RABL2B: variants seen among roughly 807,000 people sequenced by gnomAD.
RABL2B encodes the protein rab-like protein 2B.
In RABL2B, 17 loss-of-function variants were observed where a neutral mutation model predicts 26.7. The ratio of observed to expected loss-of-function variants is 0.64; its 90% CI spans 0.44 to 0.95. The LOEUF (loss-of-function observed/expected upper bound fraction) is 0.95. Ranked by LOEUF, RABL2B falls within the 40% of genes least tolerant of loss-of-function variation. The probability of loss-of-function intolerance (pLI) is 0.00; values close to 1 mark genes in which losing one functional copy is unlikely to be tolerated. For missense variants in RABL2B, 170 were observed against 277.2 expected (o/e 0.61, Z 2.75); for synonymous variants, 70 against 103.9 (o/e 0.67, Z 1.99).
intron 3 of RABL2B, 45 bp downstream of exon 3, chr22:50,777,907 G>A: frequency 6.2e-7 from 1 of 1,613,980 alleles, no homozygotes; most frequent in African/African-American, 1.3e-5. Context: ...CATGAGCGTG[G>A]GAAGACCCAC....
At position 50,769,953 on chromosome 22, in the gene RABL2B, C is replaced by G. The variant is rs1210839926; in HGVS notation, c.361G>C (p.Glu121Gln). Residue 121 changes from glutamate to glutamine, a missense_variant, in exon 6 of 9, where the codon GAG (glutamate) becomes CAG (glutamine). Physicochemically the swap from Glu to Gln is conservative, Grantham distance 29 (BLOSUM62 2). Coordinates refer to ENST00000691320, the MANE Select transcript of RABL2B (RefSeq NM_001130919.3). ...NLSTWYTELR[E>Q]FRPEIPCIVV... ...ATGCATGGGATCTCTGGCCTGAACTCCCGAAGCTCTGTATACCAGGTGCTC... is the reference window on the plus strand; with the variant it reads ...ATGCATGGGATCTCTGGCCTGAACTGCCGAAGCTCTGTATACCAGGTGCTC... 2.5e-6 allele frequency: 4 copies of G among 1,613,618 alleles called. No individual in the cohort carries two copies. The highest frequency in any genetic ancestry group is 1.6e-4 in the Middle Eastern group (1 of 6,078).
chr22:50,776,506 C>A (rs1272483662), intron 4 of RABL2B, among the ~76,000 whole-genome samples, 164 bp downstream of exon 4: 2 of 152,232 alleles, frequency 1.3e-5, no homozygotes, highest in Non-Finnish European at 2.9e-5. Context: ...CCCTTCCACC[C>A]TCCTGGCTCC....
intron 2 of RABL2B, among the ~76,000 whole-genome samples, chr22:50,778,303 T>C (rs5771014): frequency 0.27 from 39,730 of 149,840 alleles, 5,838 homozygotes; most frequent in East Asian, 0.45. Flanking sequence ...AGGCCAAAGC[T>C]GCGCCTTCCG....
intron 6 of RABL2B, 42 bp from the exon 7 acceptor site, chr22:50,769,594 A>G (rs1555916732): frequency 6.2e-7 from 1 of 1,613,100 alleles, no homozygotes; most frequent in South Asian, 1.1e-5. Context: ...TGTCAAGGGA[A>G]GGGAAGAAGG....
At chr22:50,771,978 TTTG>T (rs1447307393) in intron 5 of RABL2B, 68 of 152,300 alleles carry the variant, frequency 4.5e-4, no homozygotes, top group African/African-American at 1.6e-3. Context: ...TACTTTATAA[TTTG>T]TTTTTACCTA....
At chr22:50,775,875 C>T in intron 4 of RABL2B, 24 bp from the exon 5 acceptor site, 1 of 1,614,212 alleles carries the variant, frequency 6.2e-7, no homozygotes, top group Non-Finnish European at 8.5e-7. Flanking sequence ...ACAGACAGAC[C>T]TACATGCCTG....
At chr22:50,769,399 T>C in intron 7 of RABL2B, 56 bp downstream of exon 7, 1 of 1,611,446 alleles carries the variant, frequency 6.2e-7, no homozygotes, top group Non-Finnish European at 8.5e-7. Context: ...TCTTCACAGC[T>C]TCCCTTTACC....
At chr22:50,775,990 G>A in intron 4 of RABL2B, 139 bp from the exon 5 acceptor site, 2 of 912,234 alleles carry the variant, frequency 2.2e-6, no homozygotes, top group Non-Finnish European at 1.8e-6. Context: ...AGACTATACA[G>A]CCCCACACGT....
Position 50,768,628 on chromosome 22 carries a change from G to A in RABL2B, c.*148C>T, listed in dbSNP as rs1323740790. 3.0e-5 allele frequency: 44 copies of A among 1,472,712 alleles called. No homozygotes were observed. The highest frequency in any genetic ancestry group is 2.0e-4 in the East Asian group (8 of 40,074). 91.2% of individuals were successfully genotyped at this position (1,472,712 alleles called of 1,614,324 possible). On this transcript the variant is annotated 3_prime_UTR_variant, in exon 9 of 9. Coordinates refer to ENST00000691320, the MANE Select transcript of RABL2B (RefSeq NM_001130919.3). Reference sequence around the variant, plus strand: ...GGTGCTGACCTCATCCCTGTATCACGGGCCTAGAATGTGGGAGGCTAATAG... The same window carrying A: ...GGTGCTGACCTCATCCCTGTATCACAGGCCTAGAATGTGGGAGGCTAATAG...
At chr22:50,779,694 G>C (rs1182922560) in intron 2 of RABL2B, among the ~76,000 whole-genome samples, 1 of 152,168 alleles carries the variant, frequency 6.6e-6, no homozygotes, top group Non-Finnish European at 1.5e-5. Context: ...AGAAAGCCAC[G>C]TCTTGTTGGC....
Position 50,775,416 on chromosome 22 carries a change from G to A in RABL2B, c.297+356C>T, listed in dbSNP as rs1367366448. ...TCCCAGCGTGCGCCCCCTAGGGAAAGGCAGCAGGCAACAGTGGAGGGAGGC... is the reference window on the plus strand; with the variant it reads ...TCCCAGCGTGCGCCCCCTAGGGAAAAGCAGCAGGCAACAGTGGAGGGAGGC... On this transcript the variant is annotated intron_variant, in intron 5 of 8. Transcript: ENST00000691320. 8.0e-4 allele frequency among the ~76,000 whole-genome samples: 122 copies of A among 152,290 alleles called. 1 individual carries two copies. The highest frequency in any genetic ancestry group is 2.8e-3 in the African/African-American group (115 of 41,560).
rs1216226850 is a variant in RABL2B at position 50,769,981 on chromosome 22, G to T, written c.333C>A (p.Asn111Lys). The T allele has an allele frequency of 2.5e-6, 4 of 1,613,724 alleles. No homozygotes were observed. The Admixed American group carries it at 6.7e-5, about 27-fold the overall frequency. Reference sequence around the variant, plus strand: ...GAAGCTCTGTATACCAGGTGCTCAGGTTCCTATAGGTGACTTTCCTCTGTA... The same window carrying T: ...GAAGCTCTGTATACCAGGTGCTCAGTTTCCTATAGGTGACTTTCCTCTGTA... ...FDVQRKVTYRNLSTWYTELRE... is the reference protein window; with the variant it reads ...FDVQRKVTYRKLSTWYTELRE... The change falls in exon 6 of 9, where the codon AAC becomes AAA. Residue 111 changes from asparagine to lysine, a missense_variant. By Grantham distance (94) the Asn-to-Lys change is moderately conservative. Around this residue, in one of 2 missense-constraint regions of RABL2B, gnomAD observed 165 missense variants for 232.0 expected, o/e 0.71. Coordinates refer to ENST00000691320, the MANE Select transcript of RABL2B (RefSeq NM_001130919.3).
chr22:50,780,991 A>C (rs1356076813), intron 2 of RABL2B, among the ~76,000 whole-genome samples: 2 of 152,220 alleles, frequency 1.3e-5, no homozygotes, highest in Admixed American at 6.5e-5. Flanking sequence ...TACAACACCT[A>C]CCCTCACTTT....
chr22:50,778,590 G>T (rs1475535266), intron 2 of RABL2B, among the ~76,000 whole-genome samples: 2 of 152,062 alleles, frequency 1.3e-5, no homozygotes, highest in Non-Finnish European at 2.9e-5. Flanking sequence ...ACTCCTCTCT[G>T]CAAAACCATC....
At chr22:50,781,847 T>C (rs1179040572) in intron 2 of RABL2B, among the ~76,000 whole-genome samples, 2 of 150,052 alleles carry the variant, frequency 1.3e-5, no homozygotes, top group African/African-American at 4.9e-5. Context: ...CTTTACCCAA[T>C]CTGTCACGGT....
Position 50,768,554 on chromosome 22 carries a change from G to A in RABL2B, c.*222C>T. On this transcript the variant is annotated 3_prime_UTR_variant, in exon 9 of 9. Coordinates refer to ENST00000691320, the MANE Select transcript of RABL2B (RefSeq NM_001130919.3). The stretch of plus-strand genomic sequence containing the variant: ...GTTAATGATGCTGATCCCTACTTCT[G>A]CTTCAAGGAGATCTGGTGGGGAATT... 8.8e-7 allele frequency: 1 copy of A among 1,141,150 alleles called. No individual in the cohort carries two copies. The highest frequency in any genetic ancestry group is 1.2e-6 in the Non-Finnish European group (1 of 825,058). The allele number at this position is 1,141,150 out of a possible 1,614,324, so 70.7% of individuals were successfully genotyped here.
chr22:50,772,362 G>A, intron 5 of RABL2B: 1 of 985,478 alleles, frequency 1.0e-6, no homozygotes. Context: ...CAGCAAGAAG[G>A]ATGAGCACTG....
intron 7 of RABL2B, 164 bp downstream of exon 7, chr22:50,769,291 T>C: frequency 7.7e-7 from 1 of 1,296,526 alleles, no homozygotes; most frequent in South Asian, 1.4e-5. Flanking sequence ...AATGGACTTC[T>C]GCCTCATCAA....
rs2146893676 is a variant in RABL2B at position 50,768,001 on chromosome 22, T to C, written c.*775A>G. The C allele has an allele frequency of 3.4e-6, 1 of 293,024 alleles. No homozygotes were observed. Among genetic ancestry groups the C allele is most frequent in the Middle Eastern group, 1.3e-3 (1 of 782 alleles). The allele number at this position is 293,024 out of a possible 1,614,324, so 18.2% of individuals were successfully genotyped here. A position where few individuals can be genotyped will look rare whatever the true frequency, so the allele number is the denominator to read the frequency against. On this transcript the variant is annotated 3_prime_UTR_variant, in exon 9 of 9. Transcript: ENST00000691320. The stretch of plus-strand genomic sequence containing the variant: ...CGGGCGCGGTGGCTCATGCCTGTAA[T>C]CCCAGCACTTTGGGAGGCCGAGGCG...
Sources: gnomAD v4.1 joint callset for allele counts (sites outside exome capture counted in the v4.1 genomes callset) on GRCh38, gnomAD v4.1.1 for gene constraint, gnomAD v4.1.1 regional missense constraint, MANE v1.5 for transcripts, NCBI Gene and HGNC (gene_info 2026-07-23, HGNC 2026-07-21) for gene names.